ARV1: variants seen among roughly 807,000 people sequenced by gnomAD.
ARV1 encodes protein ARV1.
ARV1 carries 26 observed loss-of-function variants against 31.1 expected under a neutral mutation model. That is an observed-to-expected ratio of 0.84 (90% CI 0.61 to 1.16). The LOEUF (loss-of-function observed/expected upper bound fraction) is 1.16. ARV1 is among the 50% of genes most tolerant of loss of function. The pLI, the probability that ARV1 is intolerant of heterozygous loss-of-function variation, is 0.00. For missense variants in ARV1, 281 were observed against 324.9 expected, an observed-to-expected ratio of 0.86 and a Z score of 1.04; for synonymous variants, 117 against 123.2, an observed-to-expected ratio of 0.95 and a Z score of 0.34.
At chr1:230,993,481 G>T (rs1679284883) in intron 3 of ARV1, among the ~76,000 whole-genome samples, 1 of 152,112 alleles carries the variant, frequency 6.6e-6, no homozygotes. Flanking sequence ...AAATGGGTTG[G>T]AATTCTTATA....
chr1:230,989,063 T>C (rs1476268663), intron 2 of ARV1, among the ~76,000 whole-genome samples: 2 of 152,222 alleles, frequency 1.3e-5, no homozygotes, highest in Admixed American at 1.3e-4. Flanking sequence ...AAATATTGCA[T>C]GGAACATACT....
Position 230,995,724 on chromosome 1 carries a change from G to C in ARV1, c.449-36G>C, listed in dbSNP as rs530215705. On this transcript the variant is annotated intron_variant, in intron 3 of 5. Coordinates refer to ENST00000310256, the MANE Select transcript of ARV1 (RefSeq NM_022786.3). ...TTTTAAGGGGATATATTTTGGATGG[G>C]GACATTCATACTTTTATTTTCCATT... The C allele has an allele frequency of 2.4e-5, 36 of 1,512,862 alleles. 1 individual carries two copies. In the African/African-American group the frequency reaches 5.0e-4, roughly 21 times the overall value. The allele number at this position is 1,512,862 out of a possible 1,614,324, so 93.7% of individuals were successfully genotyped here. A position where few individuals can be genotyped will look rare whatever the true frequency, so the allele number is the denominator to read the frequency against.
At chr1:230,988,495 G>T in intron 2 of ARV1, 56 bp downstream of exon 2, 2 of 1,361,730 alleles carry the variant, frequency 1.5e-6, no homozygotes, top group Non-Finnish European at 2.0e-6. Flanking sequence ...CATTTTAAAA[G>T]AATAATAAGA....
intron 5 of ARV1, among the ~76,000 whole-genome samples, chr1:230,999,416 G>A (rs1362635905): frequency 6.6e-6 from 1 of 152,124 alleles, no homozygotes; most frequent in Non-Finnish European, 1.5e-5. Flanking sequence ...CCATTCCTGG[G>A]GGCCTTCTCA....
At chr1:230,985,569 G>A (rs1679042837) in intron 1 of ARV1, among the ~76,000 whole-genome samples, 1 of 152,174 alleles carries the variant, frequency 6.6e-6, no homozygotes, top group Non-Finnish European at 1.5e-5. Flanking sequence ...GTGTCTCCTG[G>A]TGCTGGTTTC....
At chr1:230,999,191 C>T (rs752032669) in intron 5 of ARV1, among the ~76,000 whole-genome samples, 19 of 152,192 alleles carry the variant, frequency 1.2e-4, no homozygotes, top group Non-Finnish European at 1.9e-4. Context: ...CCTACCAGGA[C>T]GGTCCTGCCA....
intron 2 of ARV1, among the ~76,000 whole-genome samples, chr1:230,989,902 A>C (rs1679182399): frequency 6.6e-6 from 1 of 152,186 alleles, no homozygotes; most frequent in African/African-American, 2.4e-5. Context: ...CAGACATTTA[A>C]ATTTTGAAAA....
chr1:230,998,046 C>T lies in ARV1; in HGVS notation c.*4+779C>T, dbSNP rs568080708. Among the ~76,000 whole-genome samples the T allele has an allele frequency of 5.2e-4, 79 of 152,352 alleles. 2 individuals carry two copies. Among genetic ancestry groups the T allele is most frequent in the African/African-American group, 1.7e-3 (70 of 41,576 alleles). ...TTAAGCTTCCCTCTTCACGTCAGTT[C>T]GTCTTCGGTCTTCCTCATTCTTTCC... is the stretch of plus-strand genomic sequence containing the variant. On this transcript the variant is annotated intron_variant, in intron 5 of 5. Transcript: ENST00000310256.
Position 230,979,115 on chromosome 1 carries a change from G to C in ARV1, c.10G>C (p.Gly4Arg), listed in dbSNP as rs767473249. The C allele has an allele frequency of 6.3e-7, 1 of 1,586,176 alleles. No homozygotes were observed. The highest frequency in any genetic ancestry group is 1.2e-5 in the South Asian group (1 of 86,136). MGN[G>R]GRSGLQQGKG... ...CTGCAGTTGAGTGGAAATGGGCAAC[G>C]GCGGGCGGAGCGGCCTGCAGCAGGG... is the stretch of plus-strand genomic sequence containing the variant. Residue 4 changes from glycine (G) to arginine (R), a missense_variant, in exon 1 of 6, where the codon GGC (glycine) becomes CGC (arginine). Gly to Arg is a moderately radical substitution (Grantham distance 125). Transcript: ENST00000310256.
At chr1:230,979,831 G>T (rs1678796132) in intron 1 of ARV1, among the ~76,000 whole-genome samples, 1 of 152,020 alleles carries the variant, frequency 6.6e-6, no homozygotes, top group African/African-American at 2.4e-5. Flanking sequence ...TTCCATCTCA[G>T]AGTTAAGGCC....
At chr1:230,979,506 A>G (rs1052581648) in intron 1 of ARV1, 2 of 520,752 alleles carry the variant, frequency 3.8e-6, no homozygotes. Context: ...AACGGACCGG[A>G]CCGACAGACA....
chr1:230,984,464 G>T (rs1035411506), intron 1 of ARV1, among the ~76,000 whole-genome samples: 98 of 150,668 alleles, frequency 6.5e-4, no homozygotes, highest in Non-Finnish European at 2.2e-4. Context: ...AGCACTTAAG[G>T]GAAAAGCAAA....
intron 5 of ARV1, 48 bp downstream of exon 5, chr1:230,997,315 A>G: frequency 6.3e-7 from 1 of 1,587,226 alleles, no homozygotes; most frequent in Non-Finnish European, 8.6e-7. Context: ...TAGCCTTCTC[A>G]AATAAGACAG....
intron 3 of ARV1, 195 bp downstream of exon 3, chr1:230,990,458 A>T: frequency 3.3e-6 from 2 of 598,002 alleles, no homozygotes; most frequent in South Asian, 4.4e-5. Context: ...AAAATTTGTT[A>T]CCACGTATAT....
In ARV1 at chr1:230,997,270, A is replaced by G; in HGVS notation, c.*4+3A>G. 2 of 1,613,384 alleles carry G rather than the reference A, an allele frequency of 1.2e-6. No individual in the cohort carries two copies. Among genetic ancestry groups the G allele is most frequent in the Non-Finnish European group, 1.7e-6 (2 of 1,179,426 alleles). On this transcript the variant is annotated splice_donor_region_variant and intron_variant, in intron 5 of 5. Transcript: ENST00000310256. The stretch of plus-strand genomic sequence containing the variant: ...TAAATCTCAGGACTTCTGAAGAGGT[A>G]CTGAAAGCATGTAGTGTTCATGCAT...
intron 1 of ARV1, among the ~76,000 whole-genome samples, chr1:230,984,008 G>A (rs986790710): frequency 6.6e-6 from 1 of 152,200 alleles, no homozygotes; most frequent in Non-Finnish European, 1.5e-5. Flanking sequence ...AGGCTAAATC[G>A]CAGATCACTT....
chr1:230,997,513 C>T (rs1679404172), intron 5 of ARV1, among the ~76,000 whole-genome samples: 1 of 151,956 alleles, frequency 6.6e-6, no homozygotes, highest in African/African-American at 2.4e-5. Flanking sequence ...CCTATCCTCA[C>T]AATTTTTCTA....
At chr1:230,982,475 G>A (rs1217351248) in intron 1 of ARV1, among the ~76,000 whole-genome samples, 3 of 152,194 alleles carry the variant, frequency 2.0e-5, no homozygotes, top group East Asian at 1.9e-4. Flanking sequence ...TTTATGGAAA[G>A]GCAAAATAAT....
At chr1:230,998,780 G>A (rs372942168) in intron 5 of ARV1, among the ~76,000 whole-genome samples, 9 of 151,774 alleles carry the variant, frequency 5.9e-5, no homozygotes, top group South Asian at 4.2e-4. Flanking sequence ...GCATGGTGGC[G>A]TACACCTGTA....
Sources: gnomAD v4.1 joint callset for allele counts (sites outside exome capture counted in the v4.1 genomes callset) on GRCh38, gnomAD v4.1.1 for gene constraint, MANE v1.5 for transcripts, NCBI Gene and HGNC (gene_info 2026-07-23, HGNC 2026-07-21) for gene names.